BIRC2: variants seen among roughly 807,000 people sequenced by gnomAD.
BIRC2 encodes the protein baculoviral IAP repeat-containing protein 2.
Under a neutral mutation model 60.9 loss-of-function variants are expected in BIRC2, and 18 were observed. That is an observed-to-expected ratio of 0.30 (90% CI 0.20 to 0.44). The LOEUF is 0.44. BIRC2 is among the 20% of genes least tolerant of loss of function. The probability of loss-of-function intolerance (pLI) is 1.00; values close to 1 mark genes in which losing one functional copy is unlikely to be tolerated. For synonymous variants in BIRC2, 282 were observed against 247.7 expected (o/e 1.14, Z -1.30); for missense variants, 701 against 728.5 (o/e 0.96, Z 0.43).
At chr11:102,373,862 C>G (rs1951666594) in intron 6 of BIRC2, among the ~76,000 whole-genome samples, 1 of 150,136 alleles carries the variant, frequency 6.7e-6, no homozygotes, top group African/African-American at 2.5e-5. Flanking sequence ...AGGCTTTGCT[C>G]ATTTCTTTTT....
At chr11:102,364,162 T>G (rs1951520701) in intron 5 of BIRC2, among the ~76,000 whole-genome samples, 1 of 92,772 alleles carries the variant, frequency 1.1e-5, no homozygotes, top group African/African-American at 4.5e-5. Flanking sequence ...TATATATATA[T>G]ATATATATAT....
chr11:102,364,174 T>TATATATATATATATATACAC (rs1389968594), intron 5 of BIRC2, among the ~76,000 whole-genome samples: 26 of 78,064 alleles, frequency 3.3e-4, no homozygotes, highest in African/African-American at 1.3e-3. Context: ...TATATATATA[T>TATATATATATATATATACAC]ACACACACAC....
At chr11:102,353,036 TATTA>T (rs1259786553) in intron 3 of BIRC2, among the ~76,000 whole-genome samples, 3 of 152,162 alleles carry the variant, frequency 2.0e-5, no homozygotes, top group Non-Finnish European at 4.4e-5. Flanking sequence ...ATGACTAAAT[TATTA>T]ATTATGTTTA....
chr11:102,373,053 ATG>A (rs1951653686), intron 6 of BIRC2, among the ~76,000 whole-genome samples: 1 of 150,326 alleles, frequency 6.7e-6, no homozygotes, highest in African/African-American at 2.5e-5. Context: ...TTTTGAGCCT[ATG>A]TGTGTCTCTG....
intron 6 of BIRC2, among the ~76,000 whole-genome samples, chr11:102,376,687 C>G (rs532286914): frequency 6.6e-6 from 1 of 152,048 alleles, no homozygotes; most frequent in African/African-American, 2.4e-5. Flanking sequence ...AAAAAAAGGT[C>G]AGGCTTGATT....
chr11:102,352,457 C>T (rs1033563153), intron 3 of BIRC2, among the ~76,000 whole-genome samples: 7 of 151,958 alleles, frequency 4.6e-5, no homozygotes, highest in Non-Finnish European at 1.0e-4. Context: ...GTCATCCAGG[C>T]TGGAGTGCAG....
At position 102,350,392 on chromosome 11, in the gene BIRC2, G is replaced by A; in HGVS notation, c.538G>A (p.Ala180Thr). The A allele has an allele frequency of 6.2e-7, 1 of 1,614,208 alleles. No homozygotes were observed. Among genetic ancestry groups the A allele is most frequent in the Non-Finnish European group, 8.5e-7 (1 of 1,180,048 alleles). The change falls in exon 2 of 9, where the codon GCA becomes ACA. Residue 180 changes from alanine (A) to threonine (T), a missense_variant. Physicochemically the swap from Ala to Thr is moderately conservative, Grantham distance 58. Around this residue, in one of 4 missense-constraint regions of BIRC2, gnomAD observed 375 missense variants for 365.9 expected, o/e 1.02. Coordinates refer to ENST00000227758, the MANE Select transcript of BIRC2 (RefSeq NM_001166.5). ...ATCGAGGACTAACCCCTACAGTTAT[G>A]CAATGAGTACTGAAGAAGCCAGATT... ...SSSRTNPYSY[A>T]MSTEEARFLT... is the part of the protein sequence containing the mutation.
At chr11:102,369,229 A>G (rs1459142151) in intron 6 of BIRC2, among the ~76,000 whole-genome samples, 1 of 149,958 alleles carries the variant, frequency 6.7e-6, no homozygotes, top group African/African-American at 2.5e-5. Context: ...TTAGTTACAT[A>G]TGTATACATG....
At chr11:102,369,526 G>A (rs1750116115) in intron 6 of BIRC2, among the ~76,000 whole-genome samples, 1 of 149,132 alleles carries the variant, frequency 6.7e-6, no homozygotes, top group African/African-American at 2.5e-5. Context: ...AGTATTCCAT[G>A]GTGTATATGT....
At chr11:102,369,656 T>TC (rs1350700452) in intron 6 of BIRC2, among the ~76,000 whole-genome samples, 3 of 146,670 alleles carry the variant, frequency 2.0e-5, no homozygotes, top group Non-Finnish European at 3.0e-5. Flanking sequence ...GCAGCATGAT[T>TC]TATAGTCATT....
chr11:102,363,601 A>G (rs1207146916), intron 4 of BIRC2, 67 bp from the exon 5 acceptor site: 8 of 1,195,828 alleles, frequency 6.7e-6, no homozygotes, highest in Non-Finnish European at 9.9e-6. Context: ...AGCTTATTTT[A>G]GTGTTGTTCT....
At chr11:102,367,896 C>CCAT (rs1951571966) in intron 5 of BIRC2, among the ~76,000 whole-genome samples, 2 of 152,194 alleles carry the variant, frequency 1.3e-5, no homozygotes, top group Non-Finnish European at 2.9e-5. Flanking sequence ...CGCCACTTTT[C>CCAT]CATGAAGTCT....
chr11:102,369,695 G>A (rs1291131220), intron 6 of BIRC2, among the ~76,000 whole-genome samples: 33 of 148,070 alleles, frequency 2.2e-4, no homozygotes, highest in African/African-American at 7.5e-4. Context: ...TGGGATGGCT[G>A]GGTCAAATGG....
intron 5 of BIRC2, among the ~76,000 whole-genome samples, chr11:102,365,166 C>T (rs907409459): frequency 6.6e-6 from 1 of 152,180 alleles, no homozygotes; most frequent in Non-Finnish European, 1.5e-5. Context: ...ATTGTCCTTG[C>T]CCTTTTCTAA....
chr11:102,359,404 ATTAAT>A (rs1011737668), intron 3 of BIRC2, among the ~76,000 whole-genome samples: 1 of 152,182 alleles, frequency 6.6e-6, no homozygotes, highest in African/African-American at 2.4e-5. Flanking sequence ...TTAGTATATT[ATTAAT>A]TTGATTATAT....
intron 3 of BIRC2, among the ~76,000 whole-genome samples, chr11:102,361,272 C>T (rs891608950): frequency 1.3e-5 from 2 of 152,138 alleles, no homozygotes; most frequent in African/African-American, 4.8e-5. Context: ...GATGTGGGTG[C>T]ACGTAGAGCA....
At chr11:102,370,096 T>G (rs1320673906) in intron 6 of BIRC2, among the ~76,000 whole-genome samples, 5 of 150,826 alleles carry the variant, frequency 3.3e-5, no homozygotes, top group African/African-American at 9.7e-5. Flanking sequence ...TTGCGAAAAT[T>G]TTCTCCCATT....
At chr11:102,366,032 A>T (rs1457283057) in intron 5 of BIRC2, among the ~76,000 whole-genome samples, 1 of 152,058 alleles carries the variant, frequency 6.6e-6, no homozygotes, top group Non-Finnish European at 1.5e-5. Flanking sequence ...TACCCCTCAT[A>T]GCTCAGCTTA....
chr11:102,355,322 AAAACGGTGTTG>A (rs1453588011), intron 3 of BIRC2, among the ~76,000 whole-genome samples: 2 of 152,132 alleles, frequency 1.3e-5, no homozygotes, highest in Non-Finnish European at 2.9e-5. Context: ...GTTTTACATA[AAAACGGTGTTG>A]GATATCCAGT....
Sources: allele counts gnomAD v4.1 joint callset (sites outside exome capture counted in the v4.1 genomes callset), GRCh38; gene constraint gnomAD v4.1.1; regional missense constraint gnomAD v4.1.1; transcripts MANE v1.5; gene names NCBI Gene and HGNC (gene_info 2026-07-23, HGNC 2026-07-21).